Variants in P2RY8 observed in about 807,000 individuals in gnomAD.
The protein encoded by P2RY8 is S-geranylgeranyl-glutathione receptor P2RY8.
P2RY8 carries 6 observed loss-of-function variants against 10.0 expected under a neutral mutation model. The ratio of observed to expected loss-of-function variants is 0.60; its 90% confidence interval spans 0.33 to 1.19. P2RY8 has a LOEUF of 1.19. Ranked by LOEUF, P2RY8 falls within the 50% of genes most tolerant of loss-of-function variation. The probability of loss-of-function intolerance (pLI) is 0.04; values close to 1 mark genes in which losing one functional copy is unlikely to be tolerated. For missense variants in P2RY8, 456 were observed against 542.0 expected, an observed-to-expected ratio of 0.84 and a Z score of 1.58; for synonymous variants, 276 against 252.5, an observed-to-expected ratio of 1.09 and a Z score of -0.88.
intron 1 of P2RY8, among the ~76,000 whole-genome samples, chrX:1,530,746 AATCT>A (rs2092468718): frequency 6.6e-6 from 1 of 150,512 alleles, no homozygotes; most frequent in Non-Finnish European, 1.5e-5. Context: ...GTATCTATCT[AATCT>A]ATGTATGTAT....
intron 1 of P2RY8, among the ~76,000 whole-genome samples, chrX:1,471,309 ATTTTTT>A (rs1159260456): frequency 1.4e-4 from 14 of 100,056 alleles, no homozygotes; most frequent in African/African-American, 5.0e-4. Context: ...CGCCCAGCCC[ATTTTTT>A]TTTTTTTTTT....
chrX:1,484,536 T>G (rs1450855814), intron 1 of P2RY8, among the ~76,000 whole-genome samples: 1 of 151,164 alleles, frequency 6.6e-6, no homozygotes, highest in Non-Finnish European at 1.5e-5. Flanking sequence ...ACCAGCCTGG[T>G]CAACAAGGCA....
intron 1 of P2RY8, among the ~76,000 whole-genome samples, chrX:1,512,698 A>G (rs1296502990): frequency 2.6e-5 from 4 of 152,134 alleles, no homozygotes; most frequent in Admixed American, 6.6e-5. Context: ...CATGGTGGCA[A>G]GCAAGAGAAA....
Position 1,466,333 on chromosome X carries a change from A to C in P2RY8, c.226T>G (p.Leu76Val). Residue 76 changes from leucine to valine, a missense_variant, in exon 2 of 2, where the codon TTG becomes GTG. Physicochemically the swap from Leu to Val is conservative, Grantham distance 32 (BLOSUM62 1). Transcript: ENST00000381297. Reference protein sequence around the residue: ...SVTDLMLASVLPFQIYYHCNR... With the variant: ...SVTDLMLASVVPFQIYYHCNR... Reference sequence around the variant, plus strand: ...CAATGGTAGTAGATTTGGAAAGGCAACACGCTGGCCAGCATCAGGTCCGTG... The same window carrying C: ...CAATGGTAGTAGATTTGGAAAGGCACCACGCTGGCCAGCATCAGGTCCGTG... 6.2e-7 allele frequency: 1 copy of C among 1,613,826 alleles called. No individual in the cohort carries two copies. The highest frequency in any genetic ancestry group is 8.5e-7 in the Non-Finnish European group (1 of 1,179,856).
intron 1 of P2RY8, among the ~76,000 whole-genome samples, chrX:1,501,255 A>G (rs2092176166): frequency 6.6e-6 from 1 of 152,184 alleles, no homozygotes; most frequent in Non-Finnish European, 1.5e-5. Flanking sequence ...AGGGACGTAA[A>G]TATCAGACCC....
intron 1 of P2RY8, among the ~76,000 whole-genome samples, chrX:1,473,649 T>A (rs1446697107): frequency 6.7e-6 from 1 of 149,878 alleles, no homozygotes; most frequent in Non-Finnish European, 1.5e-5. Flanking sequence ...GATGAATGGA[T>A]GGATTGATGG....
Position 1,465,452 on chromosome X carries a change from C to A in P2RY8, c.*27G>T. The A allele has an allele frequency of 6.4e-7, 1 of 1,573,202 alleles. No homozygotes were observed. The highest frequency in any genetic ancestry group is 8.6e-7 in the Non-Finnish European group (1 of 1,162,196). ...CCCCTGGATCTCCAAGCTGCGCCCC[C>A]GGCTCTCCAAGCTGCGCCCCCGGGA... On this transcript the variant is annotated 3_prime_UTR_variant, in exon 2 of 2. Transcript: ENST00000381297.
rs1471290113 is a variant in P2RY8, at chrX:1,475,245, AGGTGGATGGATG to A, written c.-24-8675_-24-8664del. On this transcript the variant is annotated intron_variant, in intron 1 of 1. Coordinates refer to ENST00000381297, the MANE Select transcript of P2RY8 (RefSeq NM_178129.5). ...TGGATGGATGAGTGGGTGGATGGGT[AGGTGGATGGATG>A]GGTGGATGGATGGATGAGTGGGTAG... 8.9e-4 allele frequency among the ~76,000 whole-genome samples: 83 copies of A among 93,282 alleles called. 1 individual carries two copies. The highest frequency in any genetic ancestry group is 2.8e-3 in the African/African-American group (67 of 24,076). The allele number at this position is 93,282 out of a possible 152,430, so 61.2% of individuals were successfully genotyped here.
In P2RY8 at chrX:1,465,267, T is replaced by C; in HGVS notation, c.*212A>G. 1 of 761,572 alleles carries C rather than the reference T, an allele frequency of 1.3e-6. No homozygotes were observed. Among genetic ancestry groups the C allele is most frequent in the Non-Finnish European group, 2.0e-6 (1 of 491,494 alleles). The allele number at this position is 761,572 out of a possible 1,614,324, so 47.2% of individuals were successfully genotyped here. On this transcript the variant is annotated 3_prime_UTR_variant, in exon 2 of 2. Transcript: ENST00000381297. ...TGTGCGCTGCTGGGCTTTGCTTGTT[T>C]CTCTACCCTGAGTGAAGCCTGGAGA... is the stretch of plus-strand genomic sequence containing the variant.
intron 1 of P2RY8, among the ~76,000 whole-genome samples, chrX:1,518,126 AT>A (rs1318751777): frequency 2.4e-5 from 3 of 124,752 alleles, no homozygotes; most frequent in African/African-American, 6.1e-5. Context: ...AAATAAAAAA[AT>A]AAATAAAAAT....
chrX:1,465,238 A>T lies in P2RY8; in HGVS notation c.*241T>A. On this transcript the variant is annotated 3_prime_UTR_variant, in exon 2 of 2. Transcript: ENST00000381297. ...AGGCACCCTCTGCAGGATAACAAGC[A>T]CCCTGTGCGCTGCTGGGCTTTGCTT... 2 of 605,248 alleles carry T rather than the reference A, an allele frequency of 3.3e-6. No homozygotes were observed. The highest frequency in any genetic ancestry group is 4.9e-5 in the South Asian group (2 of 40,830). 37.5% of individuals were successfully genotyped at this position (605,248 alleles called of 1,614,324 possible).
intron 1 of P2RY8, among the ~76,000 whole-genome samples, chrX:1,487,128 G>A (rs2091993972): frequency 6.6e-6 from 1 of 152,190 alleles, no homozygotes; most frequent in South Asian, 2.1e-4. Context: ...CTGAGTGGAG[G>A]GGAAGCAGTG....
intron 1 of P2RY8, among the ~76,000 whole-genome samples, chrX:1,479,873 C>T (rs1314662344): frequency 6.6e-6 from 1 of 152,064 alleles, no homozygotes; most frequent in Non-Finnish European, 1.5e-5. Flanking sequence ...CAATTCTGTG[C>T]CCATAAAATT....
Position 1,463,810 on chromosome X carries a change from T to G in P2RY8, c.*1669A>C, listed in dbSNP as rs1285067553. The G allele has an allele frequency of 4.3e-6, 1 of 233,200 alleles. No individual in the cohort carries two copies. The highest frequency in any genetic ancestry group is 6.0e-5 in the East Asian group (1 of 16,602). 14.4% of individuals were successfully genotyped at this position (233,200 alleles called of 1,614,324 possible). A position where few individuals can be genotyped will look rare whatever the true frequency, so the allele number is the denominator to read the frequency against. On this transcript the variant is annotated 3_prime_UTR_variant, in exon 2 of 2. Coordinates refer to ENST00000381297, the MANE Select transcript of P2RY8 (RefSeq NM_178129.5). ...TTCAGTCTCTGCCTCTGTCTTTATG[T>G]GGCCTCCTGCTTTGTGTCTGTGTCT...
At position 1,466,119 on chromosome X, in the gene P2RY8, G is replaced by C; in HGVS notation, c.440C>G (p.Thr147Ser). Residue 147 changes from threonine to serine, a missense_variant, in exon 2 of 2, where the codon ACC (threonine) becomes AGC (serine). Coordinates refer to ENST00000381297, the MANE Select transcript of P2RY8 (RefSeq NM_178129.5). ...RRYAVAACAG[T>S]WLLLLTALSP... ...CAGGGCGGTCAGGAGCAGCAGCCAG[G>C]TCCCTGCACACGCGGCCACCGCGTA... 6.2e-7 allele frequency: 1 copy of C among 1,611,834 alleles called. No individual in the cohort carries two copies. The highest frequency in any genetic ancestry group is 1.7e-5 in the Admixed American group (1 of 59,908).
intron 1 of P2RY8, among the ~76,000 whole-genome samples, chrX:1,475,107 G>A (rs1445862501): frequency 2.2e-5 from 3 of 136,968 alleles, no homozygotes; most frequent in Admixed American, 2.2e-4. Context: ...GGATGGATAA[G>A]TGGGTGGGTG....
intron 1 of P2RY8, among the ~76,000 whole-genome samples, chrX:1,534,068 T>TATTTATATATAATATATTTACATATAC (rs2092504563): frequency 1.5e-5 from 2 of 130,286 alleles, no homozygotes; most frequent in East Asian, 4.3e-4. Flanking sequence ...ATTTGTATAT[T>TATTTATATATAATATATTTACATATAC]ATTTATATAT....
intron 1 of P2RY8, among the ~76,000 whole-genome samples, chrX:1,500,118 A>T (rs751006421): frequency 9.9e-4 from 150 of 151,002 alleles, no homozygotes; most frequent in Non-Finnish European, 1.9e-3. Context: ...TCGGCCTCCC[A>T]AAGTGCTGGG....
At chrX:1,530,207 T>C (rs1185510940) in intron 1 of P2RY8, among the ~76,000 whole-genome samples, 69 of 150,312 alleles carry the variant, frequency 4.6e-4, no homozygotes, top group Middle Eastern at 3.5e-3. Context: ...TATCTATCTA[T>C]CTATCTATGT....
Sources: allele counts gnomAD v4.1 joint callset (sites outside exome capture counted in the v4.1 genomes callset), GRCh38; gene constraint gnomAD v4.1.1; transcripts MANE v1.5; gene names NCBI Gene and HGNC (gene_info 2026-07-23, HGNC 2026-07-21).